The following DNMT3A variants were observed in gnomAD, a reference collection of about 807,000 sequenced individuals.
DNMT3A encodes the protein DNA (cytosine-5)-methyltransferase 3A.
DNMT3A carries 267 observed loss-of-function variants against 117.6 expected under a neutral mutation model. The ratio of observed to expected loss-of-function variants is 2.27; its 90% CI spans 2.05 to 2.51. The LOEUF is 2.51. DNMT3A is among the 30% of genes most tolerant of loss of function. The probability of loss-of-function intolerance (pLI) is 0.00; values close to 1 mark genes in which losing one functional copy is unlikely to be tolerated. For missense variants in DNMT3A, 1,029 were observed against 1,260.2 expected (o/e 0.82, Z 2.78); for synonymous variants, 432 against 474.8 (o/e 0.91, Z 1.17).
At chr2:25,245,975 C>G in intron 12 of DNMT3A, 45 bp downstream of exon 12, 1 of 1,613,000 alleles carries the variant, frequency 6.2e-7, no homozygotes, top group Admixed American at 1.7e-5. Context: ...CTACTCTGCC[C>G]CATGCCACAC....
At chr2:25,238,221 A>G (rs1673579244) in intron 20 of DNMT3A, among the ~76,000 whole-genome samples, 4 of 152,004 alleles carry the variant, frequency 2.6e-5, no homozygotes, top group Admixed American at 1.3e-4. Flanking sequence ...CTCTCGGGGG[A>G]CAGTTTCAGG....
Position 25,315,849 on chromosome 2 carries a change from C to T in DNMT3A, c.-177-1688G>A, listed in dbSNP as rs999157467. 3.9e-5 allele frequency among the ~76,000 whole-genome samples: 6 copies of T among 152,224 alleles called. No homozygotes were observed. In the East Asian group the frequency reaches 1.2e-3, roughly 29 times the overall value. On this transcript the variant is annotated intron_variant, in intron 1 of 22. Coordinates refer to ENST00000321117, the MANE Select transcript of DNMT3A (RefSeq NM_022552.5). ...GTGATTCCCTGTCAAGCCTCACTCC[C>T]CATTTGTTACCACAGACATCTCCAG...
At chr2:25,283,255 G>A (rs989032481) in intron 3 of DNMT3A, among the ~76,000 whole-genome samples, 4 of 151,794 alleles carry the variant, frequency 2.6e-5, no homozygotes, top group Middle Eastern at 3.2e-3. Context: ...CCAGGTACTC[G>A]GGAGGCTGAG....
At chr2:25,303,536 G>A (rs2033628492) in intron 2 of DNMT3A, among the ~76,000 whole-genome samples, 1 of 152,250 alleles carries the variant, frequency 6.6e-6, no homozygotes, top group African/African-American at 2.4e-5. Flanking sequence ...GAGAGGGCGG[G>A]GAGTGCCAGG....
At chr2:25,266,166 C>T (rs931400136) in intron 6 of DNMT3A, among the ~76,000 whole-genome samples, 1 of 152,214 alleles carries the variant, frequency 6.6e-6, no homozygotes, top group Non-Finnish European at 1.5e-5. Flanking sequence ...GGCCAGCCCT[C>T]GAAGTCACTA....
chr2:25,296,399 G>A lies in DNMT3A; in HGVS notation c.177+3740C>T, dbSNP rs2033090310. 6.6e-6 allele frequency among the ~76,000 whole-genome samples: 1 copy of A among 152,118 alleles called. No individual in the cohort carries two copies. The highest frequency in any genetic ancestry group is 6.6e-5 in the Admixed American group (1 of 15,254). On this transcript the variant is annotated intron_variant, in intron 3 of 22. Transcript: ENST00000321117. The surrounding 1 kb of genome is among the most constrained non-coding windows in gnomAD (Gnocchi z 4.2). ...TGTTTGGGGAGCAGTGAGAAGGTGAGGTTTCTGTGGCCAAAGGGGTGGCAT... is the reference window on the plus strand; with the variant it reads ...TGTTTGGGGAGCAGTGAGAAGGTGAAGTTTCTGTGGCCAAAGGGGTGGCAT...
At chr2:25,239,050 G>T in intron 20 of DNMT3A, 80 bp downstream of exon 20, 2 of 1,307,576 alleles carry the variant, frequency 1.5e-6, no homozygotes, top group Non-Finnish European at 1.1e-6. Context: ...AGAGGGCCCG[G>T]CTCAGGGGCT....
chr2:25,329,229 C>G (rs1310754125), intron 1 of DNMT3A, among the ~76,000 whole-genome samples: 1 of 152,168 alleles, frequency 6.6e-6, no homozygotes, highest in Non-Finnish European at 1.5e-5. Context: ...ACCATGGGCC[C>G]TGCCTCCAGC....
intron 6 of DNMT3A, among the ~76,000 whole-genome samples, chr2:25,249,082 T>C (rs534692926): frequency 3.9e-5 from 6 of 152,322 alleles, no homozygotes; most frequent in Admixed American, 2.6e-4. Flanking sequence ...GACACAGATA[T>C]TGGTTCCACC....
chr2:25,311,253 G>C lies in DNMT3A; in HGVS notation c.72+2660C>G, dbSNP rs976968366. Among the ~76,000 whole-genome samples, 3 of 152,220 alleles carry C rather than the reference G, an allele frequency of 2.0e-5. No homozygotes were observed. The highest frequency in any genetic ancestry group is 7.2e-5 in the African/African-American group (3 of 41,470). ...TTGCCAAACAGTTCCTTTGTGCACAGTGCCCCTGGCACCTGTGCCAGGCTC... is the reference window on the plus strand; with the variant it reads ...TTGCCAAACAGTTCCTTTGTGCACACTGCCCCTGGCACCTGTGCCAGGCTC... On this transcript the variant is annotated intron_variant, in intron 2 of 22. Coordinates refer to ENST00000321117, the MANE Select transcript of DNMT3A (RefSeq NM_022552.5). This position sits in a 1 kb window ranked among gnomAD's most constrained non-coding sequence, Gnocchi z 5.2.
At position 25,284,270 on chromosome 2, in the gene DNMT3A, A is replaced by G. The variant is rs561770418; in HGVS notation, c.178-1559T>C. Among the ~76,000 whole-genome samples, 5 of 152,328 alleles carry G rather than the reference A, an allele frequency of 3.3e-5. No individual in the cohort carries two copies. The East Asian group carries it at 9.6e-4, about 29-fold the overall frequency. On this transcript the variant is annotated intron_variant, in intron 3 of 22. Transcript: ENST00000321117. ...CAGTTTCCCCACCTGTCAGGTGGAG[A>G]TGACTGGTCTAGACCAATGGAGATT...
At chr2:25,251,928 G>A (rs1049794912) in intron 6 of DNMT3A, 1 of 477,580 alleles carries the variant, frequency 2.1e-6, no homozygotes, top group Admixed American at 4.1e-5. Flanking sequence ...CCGGGCTCCC[G>A]GCCGGCTGCT....
In DNMT3A at chr2:25,314,001, A is replaced by G; in HGVS notation, c.-17T>C. On this transcript the variant is annotated 5_prime_UTR_variant, in exon 2 of 23. Coordinates refer to ENST00000321117, the MANE Select transcript of DNMT3A (RefSeq NM_022552.5). ...GGCGGGCATCTGGGCGCCGGGAGGC[A>G]GGCTGGGGCTGCGCGGGGCTGGGGG... 1.3e-6 allele frequency: 2 copies of G among 1,536,346 alleles called. No homozygotes were observed. The highest frequency in any genetic ancestry group is 1.8e-4 in the Middle Eastern group (1 of 5,694).
At chr2:25,342,068 G>A (rs1171168206), upstream of DNMT3A, among the ~76,000 whole-genome samples, 1 of 68,302 alleles carries the variant, frequency 1.5e-5, no homozygotes, top group African/African-American at 5.5e-5. This position sits in a 1 kb window ranked among gnomAD's most constrained non-coding sequence, Gnocchi z 5.9. Context: ...CCCTCCCTCC[G>A]GCCGCCCGCG....
intron 3 of DNMT3A, among the ~76,000 whole-genome samples, chr2:25,288,913 C>T (rs185635340): frequency 1.3e-4 from 20 of 152,266 alleles, no homozygotes; most frequent in Admixed American, 4.6e-4. Flanking sequence ...CAGGTGTGGA[C>T]AGCTGCTGGC....
chr2:25,283,342 C>T (rs1357214539), intron 3 of DNMT3A, among the ~76,000 whole-genome samples: 1 of 132,326 alleles, frequency 7.6e-6, no homozygotes, highest in East Asian at 2.2e-4. Flanking sequence ...AGCCTTGCGA[C>T]AGAGCAAGAC....
At chr2:25,243,733 C>T (rs1005234678) in intron 16 of DNMT3A, among the ~76,000 whole-genome samples, 165 bp downstream of exon 16, 4 of 152,222 alleles carry the variant, frequency 2.6e-5, no homozygotes, top group Non-Finnish European at 5.9e-5. Flanking sequence ...AATCTAAGTC[C>T]ACGGACTGCA....
rs1558704482 is a variant in DNMT3A at position 25,282,308 on chromosome 2, C to T, written c.448+133G>A. The T allele has an allele frequency of 2.0e-6, 3 of 1,486,012 alleles. No homozygotes were observed. The East Asian group carries it at 7.5e-5, about 37-fold the overall frequency. The allele number at this position is 1,486,012 out of a possible 1,614,324, so 92.1% of individuals were successfully genotyped here. A position where few individuals can be genotyped will look rare whatever the true frequency, so the allele number is the denominator to read the frequency against. ...TGCATCCAGCCAGTAGCCTCCAGGC[C>T]ATAGCCTTGGCAAGCAGACCTTTAG... On this transcript the variant is annotated intron_variant, in intron 4 of 22. Coordinates refer to ENST00000321117, the MANE Select transcript of DNMT3A (RefSeq NM_022552.5). The surrounding 1 kb of genome is among the most constrained non-coding windows in gnomAD (Gnocchi z 5.2).
intron 6 of DNMT3A, among the ~76,000 whole-genome samples, chr2:25,255,937 G>A (rs911064558): frequency 3.9e-5 from 6 of 152,180 alleles, no homozygotes; most frequent in African/African-American, 1.4e-4. Flanking sequence ...TCAAAGTTCA[G>A]TGCTCTGTGG....
Sources: allele counts gnomAD v4.1 joint callset (sites outside exome capture counted in the v4.1 genomes callset), GRCh38; gene constraint gnomAD v4.1.1; non-coding constraint Gnocchi (gnomAD v3.1); transcripts MANE v1.5; gene names NCBI Gene and HGNC (gene_info 2026-07-23, HGNC 2026-07-21).